PACS2: variants seen among roughly 807,000 people sequenced by gnomAD.
PACS2 encodes phosphofurin acidic cluster sorting protein 2.
Under a neutral mutation model 113.0 loss-of-function variants are expected in PACS2, and 36 were observed. The observed-to-expected ratio is 0.32, with a 90% CI of 0.24 to 0.42. PACS2 has a LOEUF of 0.42. Ranked by LOEUF, PACS2 falls within the 10% of genes least tolerant of loss-of-function variation. PACS2 has a pLI of 1.00. For missense variants in PACS2, 1,015 were observed against 1,239.5 expected (o/e 0.82, Z 2.72); for synonymous variants, 589 against 536.1 (o/e 1.10, Z -1.36).
rs2059666624 is a variant in PACS2 at position 105,340,038 on chromosome 14, C to A, written c.120-8455C>A. ...AGGTGATCCACCTGCCTTGGCCTCC[C>A]AAAGGGCTGCGATTCCAAGTGTGAG... On this transcript the variant is annotated intron_variant, in intron 1 of 24. Transcript: ENST00000447393. The surrounding 1 kb of genome is among the most constrained non-coding windows in gnomAD (Gnocchi z 4.2). Among the ~76,000 whole-genome samples the A allele has an allele frequency of 6.6e-6, 1 of 152,222 alleles. No individual in the cohort carries two copies. Among genetic ancestry groups the A allele is most frequent in the Non-Finnish European group, 1.5e-5 (1 of 68,044 alleles).
At chr14:105,382,687 C>T (rs2081035512) in intron 14 of PACS2, 106 bp downstream of exon 14, 1 of 954,760 alleles carries the variant, frequency 1.0e-6, no homozygotes, top group Non-Finnish European at 1.6e-6. Flanking sequence ...GAGCTGCTGG[C>T]TGTGGTTTGC....
intron 1 of PACS2, among the ~76,000 whole-genome samples, chr14:105,332,361 G>A (rs2059334124): frequency 6.6e-6 from 1 of 152,242 alleles, no homozygotes; most frequent in Non-Finnish European, 1.5e-5. Context: ...ACAACACGGA[G>A]CACGGGGGTT....
At chr14:105,333,515 T>C (rs587627782) in intron 1 of PACS2, among the ~76,000 whole-genome samples, 1 of 152,314 alleles carries the variant, frequency 6.6e-6, no homozygotes, top group Non-Finnish European at 1.5e-5. Flanking sequence ...CCTGGGGTGC[T>C]GGCTTGTGTC....
chr14:105,313,233 G>A (rs1013592416), upstream of PACS2, among the ~76,000 whole-genome samples: 2 of 152,326 alleles, frequency 1.3e-5, no homozygotes, highest in Middle Eastern at 3.4e-3. Flanking sequence ...GTCCAGCAGC[G>A]CCGTACGCTC....
chr14:105,338,453 C>T (rs2059608172), intron 1 of PACS2, among the ~76,000 whole-genome samples: 1 of 152,198 alleles, frequency 6.6e-6, no homozygotes, highest in African/African-American at 2.4e-5. Context: ...GCTGTCTTTA[C>T]TTTCCCACCT....
intron 8 of PACS2, chr14:105,372,219 T>A (rs1294300392): frequency 6.6e-6 from 1 of 152,224 alleles, no homozygotes; most frequent in Non-Finnish European, 1.5e-5. Flanking sequence ...GTGAAGTCTG[T>A]TCCTTACAGC....
At position 105,357,435 on chromosome 14, in the gene PACS2, C is replaced by T. The variant is rs28589825; in HGVS notation, c.423+2258C>T. On this transcript the variant is annotated intron_variant, in intron 4 of 24. Coordinates refer to ENST00000447393, the MANE Select transcript of PACS2 (RefSeq NM_001100913.3). This position sits in a 1 kb window ranked among gnomAD's most constrained non-coding sequence, Gnocchi z 5.1. ...GCCCTGCACCTGTGGCTTCCAAAGC[C>T]GAGGTCATCTGACTGCTCCTCGCTC... 0.062 allele frequency among the ~76,000 whole-genome samples: 9,386 copies of T among 152,138 alleles called. 1,034 individuals are homozygous for T. The highest frequency in any genetic ancestry group is 0.22 in the African/African-American group (8,960 of 41,448).
chr14:105,392,511 G>T (rs2081395046), intron 22 of PACS2, 108 bp from the exon 23 acceptor site: 2 of 967,272 alleles, frequency 2.1e-6, no homozygotes, highest in Admixed American at 2.2e-5. Context: ...CTGCTGGCAA[G>T]TTGGCACAGG....
chr14:105,317,045 C>T lies in PACS2; in HGVS notation c.119+2008C>T, dbSNP rs1040454426. The stretch of plus-strand genomic sequence containing the variant: ...CTAGCTTTGCTTTGTGCTTGTGCCG[C>T]CTGTCCGTGCATCCTCGGACAGTCT... On this transcript the variant is annotated intron_variant, in intron 1 of 24. Transcript: ENST00000447393. This position sits in a 1 kb window ranked among gnomAD's most constrained non-coding sequence, Gnocchi z 4.2. Among the ~76,000 whole-genome samples, 15 of 152,182 alleles carry T rather than the reference C, an allele frequency of 9.9e-5. No individual in the cohort carries two copies. The highest frequency in any genetic ancestry group is 3.1e-4 in the African/African-American group (13 of 41,434).
At chr14:105,327,191 G>A (rs1006270538) in intron 1 of PACS2, among the ~76,000 whole-genome samples, 30 of 152,198 alleles carry the variant, frequency 2.0e-4, no homozygotes, top group South Asian at 2.1e-4. Flanking sequence ...CTGGGAGGCC[G>A]GCGTGCCTGA....
intron 22 of PACS2, 75 bp downstream of exon 22, chr14:105,391,841 C>CT: frequency 7.1e-7 from 1 of 1,411,970 alleles, no homozygotes; most frequent in Non-Finnish European, 9.5e-7. Flanking sequence ...TCATCCTCCC[C>CT]TATGTCACAT....
chr14:105,307,785 A>T (rs1395060543), intron 1 of PACS2, among the ~76,000 whole-genome samples: 1 of 152,222 alleles, frequency 6.6e-6, no homozygotes, highest in African/African-American at 2.4e-5. Context: ...GATGGAGGAC[A>T]TGTGTCTGGT....
intron 8 of PACS2, chr14:105,370,975 G>A (rs1316413920): frequency 1.3e-5 from 2 of 152,276 alleles, no homozygotes; most frequent in South Asian, 2.1e-4. Context: ...CGGCCTGAGA[G>A]CACACTGCCT....
chr14:105,310,357 C>T (rs587700374), upstream of PACS2, among the ~76,000 whole-genome samples: 64 of 151,206 alleles, frequency 4.2e-4, no homozygotes, highest in Non-Finnish European at 6.8e-4. Flanking sequence ...GGTGAAACCC[C>T]GTCTCTAATA....
At chr14:105,375,229 C>T (rs1212190816) in intron 8 of PACS2, among the ~76,000 whole-genome samples, 1 of 152,072 alleles carries the variant, frequency 6.6e-6, no homozygotes, top group African/African-American at 2.4e-5. Flanking sequence ...CCTGTAATCC[C>T]AGAACTTTGG....
In PACS2 at chr14:105,343,463, G is replaced by A. The variant is rs587594902; in HGVS notation, c.120-5030G>A. On this transcript the variant is annotated intron_variant, in intron 1 of 24. Transcript: ENST00000447393. ...CTTTCCAGTGACTCTGCCATGTGGC[G>A]TTCTGCACGTTCAGAGTATATGGAA... 3.3e-5 allele frequency among the ~76,000 whole-genome samples: 5 copies of A among 152,282 alleles called. No homozygotes were observed. In the South Asian group the frequency reaches 8.3e-4, roughly 25 times the overall value.
chr14:105,394,146 T>C (rs2081466480), intron 24 of PACS2: 20 of 972,738 alleles, frequency 2.1e-5, no homozygotes, highest in Non-Finnish European at 2.4e-5. Context: ...TCAGATGACC[T>C]CCAGGTCGAC....
intron 24 of PACS2, 41 bp from the exon 25 acceptor site, chr14:105,394,504 GTGGGCAGGC>G: frequency 2.5e-6 from 4 of 1,604,056 alleles, no homozygotes; most frequent in Non-Finnish European, 3.4e-6. Flanking sequence ...GGTGGATAGG[GTGGGCAGGC>G]CGGGCAGGGG....
At chr14:105,392,169 C>CCT (rs782432516) in intron 22 of PACS2, 4 of 323,278 alleles carry the variant, frequency 1.2e-5, no homozygotes, top group Non-Finnish European at 2.3e-5. Context: ...CCGGAGCAGA[C>CCT]CTCACTCAAG....
Sources: allele counts gnomAD v4.1 joint callset (sites outside exome capture counted in the v4.1 genomes callset), GRCh38; gene constraint gnomAD v4.1.1; non-coding constraint Gnocchi (gnomAD v3.1); transcripts MANE v1.5; gene names NCBI Gene and HGNC (gene_info 2026-07-23, HGNC 2026-07-21).